Variants in ATP10B observed in about 807,000 individuals in gnomAD.
ATP10B encodes the protein ATPase phospholipid transporting 10B (putative), also known as phospholipid-transporting ATPase VB.
In ATP10B, 122 loss-of-function variants were observed where a neutral mutation model predicts 141.2. The ratio of observed to expected loss-of-function variants is 0.86; its 90% CI spans 0.75 to 1.00. ATP10B has a LOEUF of 1.00. ATP10B is among the 50% of genes least tolerant of loss of function. The pLI, the probability that ATP10B is intolerant of heterozygous loss-of-function variation, is 0.00. For missense variants in ATP10B, 1,876 were observed against 1,825.3 expected (o/e 1.03, Z -0.51); for synonymous variants, 685 against 692.0 (o/e 0.99, Z 0.16).
At chr5:160,581,342 C>T (rs7721850) in intron 24 of ATP10B, among the ~76,000 whole-genome samples, 2,562 of 152,140 alleles carry the variant, frequency 0.017, 72 homozygotes, top group African/African-American at 0.057. Context: ...GATTCTGGTA[C>T]ATTGTGTCTT....
chr5:160,600,518 C>G (rs575516244), intron 21 of ATP10B, among the ~76,000 whole-genome samples: 2 of 152,312 alleles, frequency 1.3e-5, no homozygotes, highest in Admixed American at 1.3e-4. Context: ...GCTCTATACC[C>G]ATTGCTCAGC....
chr5:160,741,250 T>C (rs1169120514), intron 2 of ATP10B, among the ~76,000 whole-genome samples: 2 of 152,200 alleles, frequency 1.3e-5, no homozygotes, highest in African/African-American at 4.8e-5. Context: ...TCTGAAGAAA[T>C]GCTTCAGTAA....
At chr5:160,737,939 C>T (rs1359827552) in intron 2 of ATP10B, among the ~76,000 whole-genome samples, 1 of 151,940 alleles carries the variant, frequency 6.6e-6, no homozygotes, top group Non-Finnish European at 1.5e-5. Context: ...AAGATTTGAA[C>T]GTTACTATCA....
chr5:160,653,465 GTACA>G lies in ATP10B; in HGVS notation c.676-4213_676-4210del, dbSNP rs1404764889. The stretch of plus-strand genomic sequence containing the variant: ...ATACATAGGTAGTATATATACATAT[GTACA>G]TACATACATAGGTAGTATATATACA... On this transcript the variant is annotated intron_variant, in intron 7 of 25. Transcript: ENST00000327245. Among the ~76,000 whole-genome samples the G allele has an allele frequency of 7.2e-5, 5 of 69,000 alleles. 2 individuals carry two copies. Among genetic ancestry groups the G allele is most frequent in the Non-Finnish European group, 1.4e-4 (5 of 34,490 alleles). The allele number at this position is 69,000 out of a possible 152,430, so 45.3% of individuals were successfully genotyped here.
chr5:160,618,518 T>C (rs981762351), intron 15 of ATP10B, among the ~76,000 whole-genome samples: 5 of 152,350 alleles, frequency 3.3e-5, no homozygotes, highest in African/African-American at 1.2e-4. Context: ...TCATTTCATT[T>C]GTTTAGCTGA....
At chr5:160,697,630 T>C (rs1276411273) in intron 3 of ATP10B, among the ~76,000 whole-genome samples, 1 of 152,048 alleles carries the variant, frequency 6.6e-6, no homozygotes, top group Non-Finnish European at 1.5e-5. Context: ...TTGTCTTTGG[T>C]TGGTAAAAGT....
At chr5:160,689,812 C>T (rs911316781) in intron 3 of ATP10B, among the ~76,000 whole-genome samples, 1 of 152,170 alleles carries the variant, frequency 6.6e-6, no homozygotes, top group African/African-American at 2.4e-5. Context: ...ATGCTATACC[C>T]ATCAAGCTAC....
At chr5:160,666,462 C>T (rs1317246172) in intron 7 of ATP10B, among the ~76,000 whole-genome samples, 3 of 152,146 alleles carry the variant, frequency 2.0e-5, no homozygotes, top group Non-Finnish European at 4.4e-5. Flanking sequence ...GTTTCTTGTG[C>T]TTAAATATTT....
intron 1 of ATP10B, among the ~76,000 whole-genome samples, chr5:160,851,559 T>A (rs1421024106): frequency 6.6e-6 from 1 of 152,196 alleles, no homozygotes; most frequent in Non-Finnish European, 1.5e-5. Flanking sequence ...CTCATTCTCT[T>A]CCTCAAAGCT....
intron 10 of ATP10B, 93 bp from the exon 11 acceptor site, chr5:160,636,402 G>T: frequency 7.2e-7 from 1 of 1,382,436 alleles, no homozygotes; most frequent in Non-Finnish European, 9.9e-7. Context: ...CCTAGAAATG[G>T]GTGTGCTTTG....
chr5:160,698,115 T>C (rs10066090), intron 3 of ATP10B, among the ~76,000 whole-genome samples: 89,638 of 151,836 alleles, frequency 0.59, 27,959 homozygotes, highest in Middle Eastern at 0.74. Flanking sequence ...TCCTACTGCT[T>C]ATGTGCCATT....
At chr5:160,644,884 G>A (rs918841741) in intron 8 of ATP10B, among the ~76,000 whole-genome samples, 4 of 152,244 alleles carry the variant, frequency 2.6e-5, no homozygotes, top group African/African-American at 7.2e-5. Context: ...TTGGGAGGCC[G>A]AGGCAGGTGG....
At chr5:160,672,804 T>G (rs1762796372) in intron 6 of ATP10B, among the ~76,000 whole-genome samples, 1 of 152,238 alleles carries the variant, frequency 6.6e-6, no homozygotes. Context: ...ATTCCAGTTT[T>G]CTCCTTTGAC....
chr5:160,628,353 G>T (rs1051514279), intron 13 of ATP10B, among the ~76,000 whole-genome samples: 1 of 152,222 alleles, frequency 6.6e-6, no homozygotes, highest in Non-Finnish European at 1.5e-5. Context: ...ACTGCTTCCT[G>T]CCCTGTGTGA....
chr5:160,815,518 A>T (rs1278558031), intron 1 of ATP10B, among the ~76,000 whole-genome samples: 2 of 152,166 alleles, frequency 1.3e-5, no homozygotes, highest in Non-Finnish European at 2.9e-5. Flanking sequence ...AAAGAGACTT[A>T]GTCCTTAGAG....
chr5:160,818,534 T>C (rs200184444), intron 1 of ATP10B, among the ~76,000 whole-genome samples: 15 of 152,232 alleles, frequency 9.9e-5, no homozygotes, highest in African/African-American at 2.2e-4. Context: ...AATAGGAACA[T>C]TTTTACACTG....
intron 1 of ATP10B, among the ~76,000 whole-genome samples, chr5:160,827,217 T>C (rs1460237729): frequency 1.3e-5 from 2 of 152,218 alleles, no homozygotes; most frequent in East Asian, 3.8e-4. Flanking sequence ...CTTTGTACTC[T>C]TTATTTCTCA....
chr5:160,627,533 C>T (rs532804722), intron 13 of ATP10B, among the ~76,000 whole-genome samples: 5 of 152,250 alleles, frequency 3.3e-5, no homozygotes, highest in African/African-American at 1.2e-4. Flanking sequence ...AGTGTCTCAA[C>T]TGGTACAACG....
At chr5:160,819,580 A>G (rs190709151) in intron 1 of ATP10B, among the ~76,000 whole-genome samples, 184 of 152,346 alleles carry the variant, frequency 1.2e-3, no homozygotes, top group African/African-American at 4.2e-3. Flanking sequence ...TCTTAAGCAG[A>G]AAGACTAAAA....
Sources: allele counts gnomAD v4.1 joint callset (sites outside exome capture counted in the v4.1 genomes callset), GRCh38; gene constraint gnomAD v4.1.1; transcripts MANE v1.5; gene names NCBI Gene and HGNC (gene_info 2026-07-23, HGNC 2026-07-21).